Variants in TRIM36 observed in about 807,000 individuals in gnomAD.
The protein encoded by TRIM36 is E3 ubiquitin-protein ligase TRIM36.
A neutral mutation model predicts 72.4 loss-of-function variants in TRIM36; 42 were observed. That is an observed-to-expected ratio of 0.58 (90% CI 0.45 to 0.75). The LOEUF (loss-of-function observed/expected upper bound fraction) is 0.75, where lower values mean the gene tolerates loss of function less well. Ranked by LOEUF, TRIM36 falls within the 30% of genes least tolerant of loss-of-function variation. The probability of loss-of-function intolerance (pLI) is 0.00; values close to 1 mark genes in which losing one functional copy is unlikely to be tolerated. For synonymous variants in TRIM36, 315 were observed against 282.8 expected (o/e 1.11, Z -1.14); for missense variants, 913 against 857.1 (o/e 1.07, Z -0.81).
chr5:115,177,465 T>C, intron 1 of TRIM36: 1 of 1,129,094 alleles, frequency 8.9e-7, no homozygotes, highest in Non-Finnish European at 1.1e-6. Flanking sequence ...CATTATTCTT[T>C]ACATTACAAA....
At chr5:115,130,323 A>C (rs1446978967) in intron 9 of TRIM36, among the ~76,000 whole-genome samples, 1 of 152,230 alleles carries the variant, frequency 6.6e-6, no homozygotes, top group African/African-American at 2.4e-5. Flanking sequence ...TAACATGTTA[A>C]AGACTTTCAA....
upstream of TRIM36, among the ~76,000 whole-genome samples, chr5:115,173,287 C>T (rs550956471): frequency 6.6e-6 from 1 of 152,292 alleles, no homozygotes; most frequent in East Asian, 1.9e-4. Context: ...TTACCAGATT[C>T]TGTTCTTTCT....
At chr5:115,127,552 C>A (rs1021187314) in intron 9 of TRIM36, among the ~76,000 whole-genome samples, 7 of 152,208 alleles carry the variant, frequency 4.6e-5, no homozygotes, top group Non-Finnish European at 7.3e-5. Context: ...CAGAGCGAGA[C>A]CCTGTCTTAA....
chr5:115,138,165 T>C (rs1030708036), intron 5 of TRIM36, among the ~76,000 whole-genome samples: 2 of 152,214 alleles, frequency 1.3e-5, no homozygotes, highest in Non-Finnish European at 2.9e-5. Context: ...AGTGGTGCGA[T>C]CTTGGCTCAC....
At position 115,125,002 on chromosome 5, in the gene TRIM36, A is replaced by G. The variant is rs1752308838; in HGVS notation, c.*1501T>C. The G allele has an allele frequency of 1.3e-5, 2 of 152,432 alleles. No individual in the cohort carries two copies. Among genetic ancestry groups the G allele is most frequent in the Non-Finnish European group, 2.9e-5 (2 of 67,914 alleles). 9.4% of individuals were successfully genotyped at this position (152,432 alleles called of 1,614,324 possible). On this transcript the variant is annotated 3_prime_UTR_variant, in exon 10 of 10. Transcript: ENST00000513154. The stretch of plus-strand genomic sequence containing the variant: ...AGTTTAGCCTACATCATAAAGTGCT[A>G]TTCATAGATGGGAAATTAACAGCCT...
Position 115,144,664 on chromosome 5 carries a change from A to T in TRIM36, c.669T>A (p.Cys223Ter), listed in dbSNP as rs1753481022. 6.2e-7 allele frequency: 1 copy of T among 1,614,038 alleles called. No individual in the cohort carries two copies. ...GGTTGGCATGATTACCACCCAACTTACACAGATGGCAAACTGGCCTCCTAC... is the reference window on the plus strand; with the variant it reads ...GGTTGGCATGATTACCACCCAACTTTCACAGATGGCAAACTGGCCTCCTAC... ...ELCRRPVCHL[C>*]KLGGNHANHR... The change falls in exon 4 of 10, where the codon TGT becomes TGA. Residue 223 changes from cysteine to a stop codon, truncating the protein, a stop_gained. Transcript: ENST00000513154. LOFTEE classifies it high-confidence loss of function.
chr5:115,158,549 A>T (rs1303896808), intron 2 of TRIM36, among the ~76,000 whole-genome samples: 1 of 152,202 alleles, frequency 6.6e-6, no homozygotes, highest in Non-Finnish European at 1.5e-5. Flanking sequence ...TGGACAGTTC[A>T]TGAACTACCT....
At position 115,147,545 on chromosome 5, in the gene TRIM36, G is replaced by A. The variant is rs879562540; in HGVS notation, c.263-151C>T. On this transcript the variant is annotated intron_variant, in intron 2 of 9. Coordinates refer to ENST00000513154, the MANE Select transcript of TRIM36 (RefSeq NM_001300759.2). ...CACGTGAAATTTGTATTGTGAAAAT[G>A]TTTTTAAAAATTTTTCCTTAGTATA... The A allele has an allele frequency of 1.6e-3, 1,610 of 1,000,820 alleles. 4 individuals are homozygous for A. Among genetic ancestry groups the A allele is most frequent in the Admixed American group, 4.5e-3 (145 of 32,304 alleles). The allele number at this position is 1,000,820 out of a possible 1,614,324, so 62.0% of individuals were successfully genotyped here.
chr5:115,129,562 A>G (rs546791396), intron 9 of TRIM36, among the ~76,000 whole-genome samples: 7 of 152,338 alleles, frequency 4.6e-5, no homozygotes, highest in African/African-American at 1.4e-4. Context: ...CCGTCTCAAA[A>G]AAGAAAAGAA....
intron 3 of TRIM36, among the ~76,000 whole-genome samples, chr5:115,145,693 A>C (rs1048597865): frequency 3.9e-5 from 6 of 152,176 alleles, no homozygotes; most frequent in Non-Finnish European, 5.9e-5. Flanking sequence ...TGCCCAGCTA[A>C]TTTTGTAACT....
intron 2 of TRIM36, 151 bp from the exon 3 acceptor site, chr5:115,147,545 G>T (rs879562540): frequency 1.0e-6 from 1 of 1,000,848 alleles, no homozygotes; most frequent in Non-Finnish European, 1.4e-6. Context: ...TTGTGAAAAT[G>T]TTTTTAAAAA....
In TRIM36 at chr5:115,137,532, A is replaced by C; in HGVS notation, c.916T>G (p.Leu306Val). The change falls in exon 6 of 10, where the codon TTG (leucine) becomes GTG (valine). Residue 306 changes from leucine to valine, a missense_variant. Coordinates refer to ENST00000513154, the MANE Select transcript of TRIM36 (RefSeq NM_001300759.2). Reference sequence around the variant, plus strand: ...TTCTTAGAGGAGTCAATTGCTTTCAAAACAGATGATTTCCTCTCTTCCAGA... The same window carrying C: ...TTCTTAGAGGAGTCAATTGCTTTCACAACAGATGATTTCCTCTCTTCCAGA... Reference protein sequence around the residue: ...EVLEERKSSVLKAIDSSKKLR... With the variant: ...EVLEERKSSVVKAIDSSKKLR... The C allele has an allele frequency of 6.2e-7, 1 of 1,614,100 alleles. No homozygotes were observed. The highest frequency in any genetic ancestry group is 1.7e-4 in the Middle Eastern group (1 of 6,060).
chr5:115,137,478 T>C lies in TRIM36; in HGVS notation c.970A>G (p.Met324Val), dbSNP rs1451566358. The C allele has an allele frequency of 5.6e-6, 9 of 1,614,196 alleles. No homozygotes were observed. The highest frequency in any genetic ancestry group is 2.2e-5 in the South Asian group (2 of 91,082). ...TCTAGAAGTCCCTGGTACTCTTCCA[T>C]TTGAGTCTGAAATTTGTCTAATCTT... Reference protein sequence around the residue: ...KLRLDKFQTQMEEYQGLLENN... With the variant: ...KLRLDKFQTQVEEYQGLLENN... Residue 324 changes from methionine to valine, a missense_variant, in exon 6 of 10, where the codon ATG (methionine) becomes GTG (valine). Met to Val is a conservative substitution (Grantham distance 21). Coordinates refer to ENST00000513154, the MANE Select transcript of TRIM36 (RefSeq NM_001300759.2).
intron 2 of TRIM36, among the ~76,000 whole-genome samples, chr5:115,147,913 T>C (rs1205625622): frequency 6.6e-6 from 1 of 152,178 alleles, no homozygotes; most frequent in African/African-American, 2.4e-5. Flanking sequence ...CCTATATACA[T>C]ATACATATTT....
chr5:115,149,635 T>C (rs1455532244), intron 2 of TRIM36: 1 of 102,354 alleles, frequency 9.8e-6, no homozygotes, highest in Non-Finnish European at 1.8e-5. Context: ...ACTGTGTTTT[T>C]ACAGTGTAAA....
Position 115,124,927 on chromosome 5 carries a change from T to G in TRIM36, c.*1576A>C, listed in dbSNP as rs948930341. 6.6e-6 allele frequency: 1 copy of G among 152,550 alleles called. No individual in the cohort carries two copies. Among genetic ancestry groups the G allele is most frequent in the Non-Finnish European group, 1.5e-5 (1 of 67,944 alleles). The allele number at this position is 152,550 out of a possible 1,614,324, so 9.4% of individuals were successfully genotyped here. On this transcript the variant is annotated 3_prime_UTR_variant, in exon 10 of 10. Coordinates refer to ENST00000513154, the MANE Select transcript of TRIM36 (RefSeq NM_001300759.2). ...CTTGAGTATCAACCACAAATGTGAC[T>G]TTAGCAGCTTTATTGCATAATGATC...
At chr5:115,153,598 TG>T (rs1460973955) in intron 2 of TRIM36, 1 of 152,346 alleles carries the variant, frequency 6.6e-6, no homozygotes, top group African/African-American at 2.4e-5. Context: ...CTCTACCTCG[TG>T]GGTTCAAGAG....
At chr5:115,177,863 T>C (rs377472682) in intron 1 of TRIM36, 80 of 1,613,956 alleles carry the variant, frequency 5.0e-5, no homozygotes, top group African/African-American at 6.7e-5. Flanking sequence ...TGCAGGCCCA[T>C]TGCTGAAGCC....
Position 115,126,842 on chromosome 5 carries a change from A to C in TRIM36, c.1812T>G (p.Ser604Arg). The change falls in exon 10 of 10, where the codon AGT becomes AGG. Residue 604 changes from serine to arginine, a missense_variant. Transcript: ENST00000513154. Reference protein sequence around the residue: ...DAVSPRYEQDSGHDSGSEDAC... With the variant: ...DAVSPRYEQDRGHDSGSEDAC... ...CATCCTCACTTCCACTGTCATGCCCACTGTCTTGCTCATATCTGAAACATA... is the reference window on the plus strand; with the variant it reads ...CATCCTCACTTCCACTGTCATGCCCCCTGTCTTGCTCATATCTGAAACATA... 1.2e-6 allele frequency: 2 copies of C among 1,612,448 alleles called. No homozygotes were observed. The highest frequency in any genetic ancestry group is 1.7e-6 in the Non-Finnish European group (2 of 1,179,214).
Sources: allele counts gnomAD v4.1 joint callset (sites outside exome capture counted in the v4.1 genomes callset), GRCh38; gene constraint gnomAD v4.1.1; transcripts MANE v1.5; gene names NCBI Gene and HGNC (gene_info 2026-07-23, HGNC 2026-07-21).